The following NRIP1 variants were observed in gnomAD, a reference collection of about 807,000 sequenced individuals.
NRIP1 encodes the protein nuclear receptor interacting protein 1.
Under a neutral mutation model 75.0 loss-of-function variants are expected in NRIP1, and 28 were observed. The observed-to-expected ratio is 0.37, with a 90% CI of 0.28 to 0.51. The LOEUF (loss-of-function observed/expected upper bound fraction) is 0.51, where lower values mean the gene tolerates loss of function less well. Among genes scored for constraint, NRIP1 ranks in the 20% least tolerant of loss-of-function variants. The pLI is 0.92. For synonymous variants in NRIP1, 526 were observed against 487.6 expected (o/e 1.08, Z -1.04); for missense variants, 1,435 against 1,343.7 (o/e 1.07, Z -1.06).
rs1477259925 is a variant in NRIP1, at chr21:14,964,425, T to A, written c.*291A>T. Reference sequence around the variant, plus strand: ...TATGAATGGAGTTTTACATTTTAATTTATGCCTAATATTTATAAAAGAATT... The same window carrying A: ...TATGAATGGAGTTTTACATTTTAATATATGCCTAATATTTATAAAAGAATT... On this transcript the variant is annotated 3_prime_UTR_variant, in exon 4 of 4. Coordinates refer to ENST00000318948, the MANE Select transcript of NRIP1 (RefSeq NM_003489.4). 1 of 238,186 alleles carries A rather than the reference T, an allele frequency of 4.2e-6. No homozygotes were observed. Among genetic ancestry groups the A allele is most frequent in the Non-Finnish European group, 8.0e-6 (1 of 124,224 alleles). The allele number at this position is 238,186 out of a possible 1,614,324, so 14.8% of individuals were successfully genotyped here.
chr21:15,002,628 A>C (rs1055911696), intron 3 of NRIP1, among the ~76,000 whole-genome samples: 5 of 152,162 alleles, frequency 3.3e-5, no homozygotes, highest in African/African-American at 1.2e-4. Context: ...ACTTAGATTC[A>C]ACAGTGCCCA....
At chr21:14,995,899 T>C (rs747902272) in intron 3 of NRIP1, among the ~76,000 whole-genome samples, 8 of 152,168 alleles carry the variant, frequency 5.3e-5, no homozygotes, top group Non-Finnish European at 1.0e-4. Context: ...ATAGTTTCTA[T>C]TTCACTTAAG....
chr21:14,979,020 C>CA (rs1691037787), intron 3 of NRIP1, among the ~76,000 whole-genome samples: 1 of 152,158 alleles, frequency 6.6e-6, no homozygotes. Context: ...TATTACATGA[C>CA]AGACAGTACA....
At chr21:15,015,047 T>C (rs962293696) in intron 2 of NRIP1, among the ~76,000 whole-genome samples, 30 of 152,316 alleles carry the variant, frequency 2.0e-4, no homozygotes, top group African/African-American at 7.2e-4. Context: ...ATGAATCATA[T>C]GGTATATCCA....
chr21:14,980,389 G>A (rs935434355), intron 3 of NRIP1, among the ~76,000 whole-genome samples: 62 of 151,938 alleles, frequency 4.1e-4, no homozygotes, highest in South Asian at 2.1e-4. Flanking sequence ...CACGAGAATC[G>A]CTTAAACCTG....
chr21:15,040,117 C>T (rs2088921343), intron 2 of NRIP1, among the ~76,000 whole-genome samples: 1 of 152,118 alleles, frequency 6.6e-6, no homozygotes, highest in African/African-American at 2.4e-5. Context: ...CATGTGGCTA[C>T]TGTGCACTTG....
rs2086622465 is a variant in NRIP1 at position 14,962,650 on chromosome 21, A to G, written c.*2066T>C. ...TGACAATAAGATTGTCATAGTATGG[A>G]CATGGAATAGAATATATTCAACTGG... On this transcript the variant is annotated 3_prime_UTR_variant, in exon 4 of 4. Coordinates refer to ENST00000318948, the MANE Select transcript of NRIP1 (RefSeq NM_003489.4). 1 of 152,508 alleles carries G rather than the reference A, an allele frequency of 6.6e-6. No individual in the cohort carries two copies. The highest frequency in any genetic ancestry group is 6.6e-5 in the Admixed American group (1 of 15,252). 9.4% of individuals were successfully genotyped at this position (152,508 alleles called of 1,614,324 possible). A position where few individuals can be genotyped will look rare whatever the true frequency, so the allele number is the denominator to read the frequency against.
intron 3 of NRIP1, among the ~76,000 whole-genome samples, chr21:14,998,885 A>C (rs982812606): frequency 6.6e-6 from 1 of 152,186 alleles, no homozygotes; most frequent in African/African-American, 2.4e-5. Flanking sequence ...ATCAGTAGTT[A>C]AGTTTTGAGG....
intron 1 of NRIP1, among the ~76,000 whole-genome samples, chr21:15,059,475 T>C (rs2147416985): frequency 1.3e-5 from 2 of 152,260 alleles, no homozygotes; most frequent in East Asian, 3.9e-4. Context: ...AACTGTTTAC[T>C]ATTATTATTT....
chr21:15,020,429 C>T (rs1364137483), intron 2 of NRIP1, among the ~76,000 whole-genome samples: 1 of 152,104 alleles, frequency 6.6e-6, no homozygotes, highest in African/African-American at 2.4e-5. Flanking sequence ...TATCTCTCAA[C>T]ATACAAAAAT....
chr21:15,046,118 C>T (rs1258315929), intron 1 of NRIP1, among the ~76,000 whole-genome samples: 2 of 152,184 alleles, frequency 1.3e-5, no homozygotes, highest in African/African-American at 2.4e-5. Context: ...CAAATGTTCT[C>T]AATGGCATCT....
chr21:15,047,270 G>A (rs1460461672), intron 1 of NRIP1, among the ~76,000 whole-genome samples: 4 of 147,790 alleles, frequency 2.7e-5, no homozygotes, highest in African/African-American at 7.7e-5. Context: ...GGCCGGGCGC[G>A]GTGGCTCACG....
At chr21:14,969,975 A>T (rs563858053) in intron 3 of NRIP1, among the ~76,000 whole-genome samples, 8 of 152,334 alleles carry the variant, frequency 5.3e-5, no homozygotes, top group African/African-American at 1.9e-4. Flanking sequence ...TAAGAGGTTA[A>T]TAATGATATA....
intron 1 of NRIP1, among the ~76,000 whole-genome samples, chr21:15,056,291 T>TAAAAAAAA (rs113146551): frequency 8.1e-6 from 1 of 123,274 alleles, no homozygotes. Flanking sequence ...AATTCAAAGT[T>TAAAAAAAA]AAAAAAAAAA....
intron 2 of NRIP1, among the ~76,000 whole-genome samples, chr21:15,034,619 AAGAC>A (rs746795131): frequency 3.8e-4 from 58 of 152,328 alleles, no homozygotes; most frequent in Non-Finnish European, 6.8e-4. Context: ...AATGAAATGA[AAGAC>A]AGGTTAATCA....
rs76295011 is a variant in NRIP1 at position 14,963,392 on chromosome 21, C to A, written c.*1324G>T. ...ACTCATTAGAACACACAAATAATCA[C>A]AGATTTTCCTGAGATGTTGAGCCAG... On this transcript the variant is annotated 3_prime_UTR_variant, in exon 4 of 4. Transcript: ENST00000318948. The A allele has an allele frequency of 7.8e-3, 1,191 of 152,542 alleles. 11 individuals carry two copies. Among genetic ancestry groups the A allele is most frequent in the East Asian group, 0.046 (237 of 5,176 alleles). The allele number at this position is 152,542 out of a possible 1,614,324, so 9.4% of individuals were successfully genotyped here. A position where few individuals can be genotyped will look rare whatever the true frequency, so the allele number is the denominator to read the frequency against.
At chr21:14,980,334 C>G (rs1412341372) in intron 3 of NRIP1, among the ~76,000 whole-genome samples, 1 of 151,756 alleles carries the variant, frequency 6.6e-6, no homozygotes, top group Non-Finnish European at 1.5e-5. Context: ...ATTAGGTGGA[C>G]ACAGTGGCAT....
chr21:15,011,859 A>G (rs2088111892), intron 3 of NRIP1, among the ~76,000 whole-genome samples: 1 of 152,104 alleles, frequency 6.6e-6, no homozygotes, highest in Non-Finnish European at 1.5e-5. Context: ...TAATTTTGTT[A>G]GTTACTCAAT....
chr21:15,042,221 G>A (rs567472797), intron 2 of NRIP1, among the ~76,000 whole-genome samples: 5 of 152,168 alleles, frequency 3.3e-5, no homozygotes, highest in African/African-American at 1.2e-4. Flanking sequence ...AAAAGAAGGT[G>A]GCCAATTCAC....
Sources: allele counts gnomAD v4.1 joint callset (sites outside exome capture counted in the v4.1 genomes callset), GRCh38; gene constraint gnomAD v4.1.1; transcripts MANE v1.5; gene names NCBI Gene and HGNC (gene_info 2026-07-23, HGNC 2026-07-21).